OR56A3: variants seen among roughly 807,000 people sequenced by gnomAD.
OR56A3 encodes olfactory receptor 56A3.
In OR56A3, 23 loss-of-function variants were observed where a neutral mutation model predicts 17.5. The ratio of observed to expected loss-of-function variants is 1.32; its 90% CI spans 0.95 to 1.87. OR56A3 has a LOEUF of 1.87. Among genes scored for constraint, OR56A3 ranks in the 40% most tolerant of loss-of-function variants. The pLI is 0.00. For missense variants in OR56A3, 366 were observed against 380.1 expected (o/e 0.96, Z 0.31); for synonymous variants, 175 against 150.6 (o/e 1.16, Z -1.19).
In OR56A3 at chr11:5,948,167, CTGATGTGCCAGTCTTGCTCAAT is replaced by C; in HGVS notation, c.822_843del (p.Asp275PhefsTer17). 6.2e-7 allele frequency: 1 copy of C among 1,614,226 alleles called. No homozygotes were observed. The highest frequency in any genetic ancestry group is 2.2e-5 in the East Asian group (1 of 44,894). On this transcript the variant is annotated frameshift_variant, in exon 3 of 3. Coordinates refer to ENST00000641160, the MANE Select transcript of OR56A3 (RefSeq NM_001003443.3). LOFTEE classifies it high-confidence loss of function. ...CATGTGGCTAAGAAGAAAGTCTCCCCTGATGTGCCAGTCTTGCTCAATGTTCTCCACCATGTCATTCCTGCAG... is the reference window on the plus strand; with the variant it reads ...CATGTGGCTAAGAAGAAAGTCTCCCCGTTCTCCACCATGTCATTCCTGCAG...
At chr11:6,002,137 T>G in the OR56A3 span, 1 of 1,614,128 alleles carries the variant, frequency 6.2e-7, no homozygotes, top group Non-Finnish European at 8.5e-7. Context: ...GCTGGGGGAA[T>G]GAGGTGGTGC....
chr11:5,959,895 G>T, the OR56A3 span, among the ~76,000 whole-genome samples: 1 of 152,076 alleles, frequency 6.6e-6, no homozygotes, highest in African/African-American at 2.4e-5. Flanking sequence ...TGGATATTCA[G>T]TTTTTCCGAT....
the OR56A3 span, chr11:5,968,169 C>CT: frequency 6.2e-7 from 1 of 1,614,104 alleles, no homozygotes; most frequent in African/African-American, 1.3e-5. Flanking sequence ...AGTCAGAAAA[C>CT]TGTTCATGAT....
chr11:6,020,992 A>G, the OR56A3 span: 13 of 152,102 alleles, frequency 8.5e-5, no homozygotes, highest in Non-Finnish European at 1.2e-4. Flanking sequence ...ATCCAGCCTG[A>G]GAAAAAGTTA....
the OR56A3 span, among the ~76,000 whole-genome samples, chr11:5,963,214 G>T: frequency 6.6e-6 from 1 of 152,018 alleles, no homozygotes; most frequent in Admixed American, 6.5e-5. Context: ...TCTTCTTTGT[G>T]TTAATACTGG....
the OR56A3 span, among the ~76,000 whole-genome samples, chr11:5,977,052 A>T: frequency 6.6e-6 from 1 of 152,078 alleles, no homozygotes; most frequent in Admixed American, 6.6e-5. Flanking sequence ...ATGATTTCAC[A>T]TTTATGGCAG....
the OR56A3 span, chr11:5,986,398 G>T: frequency 6.2e-7 from 1 of 1,613,946 alleles, no homozygotes; most frequent in Non-Finnish European, 8.5e-7. Context: ...CAACAAAATG[G>T]GGAAGGGGAT....
At chr11:5,957,148 C>T in the OR56A3 span, among the ~76,000 whole-genome samples, 7 of 143,592 alleles carry the variant, frequency 4.9e-5, no homozygotes, top group Middle Eastern at 6.9e-3. Flanking sequence ...GAAACTGCAT[C>T]TCAAAAATAA....
chr11:6,002,153 G>A, the OR56A3 span: 39 of 1,614,206 alleles, frequency 2.4e-5, no homozygotes, highest in East Asian at 4.5e-5. Flanking sequence ...GGTGCAGGAT[G>A]TTGAGCAGGA....
the OR56A3 span, among the ~76,000 whole-genome samples, chr11:5,959,316 GTTTTGTTTTCCT>G: frequency 3.9e-5 from 6 of 152,014 alleles, no homozygotes; most frequent in African/African-American, 1.4e-4. Context: ...TGTTGTTGCT[GTTTTGTTTTCCT>G]TTTTGTTTTT....
At chr11:6,019,853 C>G in the OR56A3 span, 2 of 152,108 alleles carry the variant, frequency 1.3e-5, no homozygotes, top group Non-Finnish European at 2.9e-5. Flanking sequence ...GTCAGTCACT[C>G]TGTGAATTCA....
At chr11:5,986,377 A>T in the OR56A3 span, 1 of 1,613,994 alleles carries the variant, frequency 6.2e-7, no homozygotes, top group African/African-American at 1.3e-5. Flanking sequence ...TTGGCAGAAG[A>T]TAAGTGTTCC....
At chr11:6,011,762 G>A in the OR56A3 span, among the ~76,000 whole-genome samples, 1 of 152,196 alleles carries the variant, frequency 6.6e-6, no homozygotes, top group Admixed American at 6.5e-5. Flanking sequence ...AAGGGAGACT[G>A]GAGTCAGGCA....
the OR56A3 span, among the ~76,000 whole-genome samples, chr11:5,977,675 G>C: frequency 6.6e-6 from 1 of 152,086 alleles, no homozygotes; most frequent in Non-Finnish European, 1.5e-5. Context: ...TCTGTTTACT[G>C]TATTGATAAT....
At chr11:5,998,303 C>T in the OR56A3 span, among the ~76,000 whole-genome samples, 1 of 152,124 alleles carries the variant, frequency 6.6e-6, no homozygotes, top group Non-Finnish European at 1.5e-5. Flanking sequence ...CTACCTGTTA[C>T]CCTTCCAACC....
At chr11:5,946,227 C>T (rs1370630899) in intron 2 of OR56A3, among the ~76,000 whole-genome samples, 1 of 152,250 alleles carries the variant, frequency 6.6e-6, no homozygotes, top group East Asian at 1.9e-4. Context: ...TCACACTCAA[C>T]TCTCCTCTGC....
chr11:5,994,555 G>A, the OR56A3 span: 197 of 965,572 alleles, frequency 2.0e-4, 4 homozygotes, highest in South Asian at 1.2e-3. Flanking sequence ...TGAGAGCCTC[G>A]ATCTCTGTCT....
the OR56A3 span, among the ~76,000 whole-genome samples, chr11:6,012,284 A>G: frequency 2.2e-3 from 333 of 152,362 alleles, 1 homozygote; most frequent in Middle Eastern, 0.017. Flanking sequence ...TTCTGTAGCC[A>G]GGGTGTCCTC....
the OR56A3 span, chr11:5,986,265 C>T: frequency 6.2e-7 from 1 of 1,613,960 alleles, no homozygotes; most frequent in East Asian, 2.2e-5. Flanking sequence ...CAATCACAAG[C>T]AAGGCCATAG....
Sources: allele counts gnomAD v4.1 joint callset (sites outside exome capture counted in the v4.1 genomes callset), GRCh38; gene constraint gnomAD v4.1.1; transcripts MANE v1.5; gene names NCBI Gene and HGNC (gene_info 2026-07-23, HGNC 2026-07-21).